The following DPP6 variants were observed in gnomAD, a reference collection of about 807,000 sequenced individuals.
The protein encoded by DPP6 is dipeptidyl peptidase like 6.
DPP6 carries 69 observed loss-of-function variants against 122.6 expected under a neutral mutation model. The observed-to-expected ratio is 0.56, with a 90% CI of 0.46 to 0.69. The LOEUF (loss-of-function observed/expected upper bound fraction) is 0.69, where lower values mean the gene tolerates loss of function less well. Among genes scored for constraint, DPP6 ranks in the 30% least tolerant of loss-of-function variants. The pLI is 0.00. For missense variants in DPP6, 928 were observed against 1,116.9 expected (o/e 0.83, Z 2.41); for synonymous variants, 418 against 433.1 (o/e 0.97, Z 0.43).
intron 7 of DPP6, among the ~76,000 whole-genome samples, chr7:154,687,262 A>G (rs71534158): frequency 0.045 from 6,891 of 152,180 alleles, 214 homozygotes; most frequent in African/African-American, 0.084. Flanking sequence ...AGTCTTTTTC[A>G]GTTTTCTGTC....
At chr7:154,355,577 T>C (rs1176791618) in intron 1 of DPP6, among the ~76,000 whole-genome samples, 1 of 152,236 alleles carries the variant, frequency 6.6e-6, no homozygotes, top group African/African-American at 2.4e-5. Context: ...CATTTATTTG[T>C]ATATGAATAT....
At chr7:154,711,500 A>G (rs1402195486) in intron 7 of DPP6, among the ~76,000 whole-genome samples, 1 of 152,256 alleles carries the variant, frequency 6.6e-6, no homozygotes, top group Non-Finnish European at 1.5e-5. Context: ...AATTTGACAA[A>G]GTGAAAAATG....
chr7:154,627,558 A>T (rs1026871619), intron 5 of DPP6, among the ~76,000 whole-genome samples: 1 of 152,174 alleles, frequency 6.6e-6, no homozygotes, highest in Non-Finnish European at 1.5e-5. Flanking sequence ...TATAAAATAT[A>T]TTGGCAAGGA....
chr7:154,384,913 T>G (rs1586123700), intron 1 of DPP6, among the ~76,000 whole-genome samples: 1 of 152,218 alleles, frequency 6.6e-6, no homozygotes, highest in East Asian at 1.9e-4. Context: ...AAGGAAATTG[T>G]CTATACTATA....
chr7:154,764,342 C>A (rs1411973486), intron 8 of DPP6, among the ~76,000 whole-genome samples: 2 of 151,372 alleles, frequency 1.3e-5, no homozygotes, highest in Non-Finnish European at 2.9e-5. Flanking sequence ...CTGTAACCTG[C>A]GTGGCCAATG....
At chr7:154,314,266 A>G (rs1343140372) in intron 1 of DPP6, among the ~76,000 whole-genome samples, 1 of 152,184 alleles carries the variant, frequency 6.6e-6, no homozygotes, top group Non-Finnish European at 1.5e-5. Context: ...GCTGTAAAAA[A>G]CAAAATATAG....
chr7:153,987,421 G>A (rs1200333041), intron 1 of DPP6, among the ~76,000 whole-genome samples: 4 of 152,200 alleles, frequency 2.6e-5, no homozygotes, highest in African/African-American at 7.2e-5. Context: ...GTTGTAGAAC[G>A]AAACTTCTCT....
At chr7:154,321,847 C>A (rs1807993665) in intron 1 of DPP6, among the ~76,000 whole-genome samples, 1 of 151,378 alleles carries the variant, frequency 6.6e-6, no homozygotes, top group African/African-American at 2.4e-5. Context: ...AGCTTCTCTT[C>A]CCTGCAGGTA....
intron 1 of DPP6, among the ~76,000 whole-genome samples, chr7:154,236,840 T>C (rs868760302): frequency 8.5e-5 from 13 of 152,150 alleles, no homozygotes; most frequent in Admixed American, 2.0e-4. Flanking sequence ...GGCAGAGAAA[T>C]TGGAAAGACC....
At chr7:154,557,720 A>C (rs1830145541) in intron 4 of DPP6, among the ~76,000 whole-genome samples, 1 of 152,106 alleles carries the variant, frequency 6.6e-6, no homozygotes, top group African/African-American at 2.4e-5. Flanking sequence ...AAAGAAAAAC[A>C]AATGAATGAA....
chr7:154,643,467 C>CTTT (rs61520162), intron 6 of DPP6, among the ~76,000 whole-genome samples: 3,785 of 117,430 alleles, frequency 0.032, 202 homozygotes, highest in African/African-American at 0.11. Flanking sequence ...TGAGTAATTT[C>CTTT]TTTTTTTTTT....
intron 1 of DPP6, among the ~76,000 whole-genome samples, chr7:153,978,578 T>C (rs1029756702): frequency 2.0e-5 from 3 of 152,202 alleles, no homozygotes; most frequent in African/African-American, 7.2e-5. Context: ...TTGTCAATTT[T>C]GGCTTTTGTT....
Position 154,887,701 on chromosome 7 carries a change from G to A in DPP6, c.2271G>A (p.Leu757=). The A allele has an allele frequency of 1.9e-6, 3 of 1,613,894 alleles. No individual in the cohort carries two copies. The highest frequency in any genetic ancestry group is 2.5e-6 in the Non-Finnish European group (3 of 1,179,802). The change falls in exon 23 of 26, where the codon TTG becomes TTA. Residue 757 remains leucine, a synonymous_variant. Transcript: ENST00000377770. ...LYASAFSERY[L]GLHGLDNRAY... ...CCTCTGCGTTTTCCGAGAGGTACTT[G>A]GGCCTCCATGGACTTGACAACAGAG...
At chr7:154,060,251 G>T (rs575570307) in intron 1 of DPP6, among the ~76,000 whole-genome samples, 1 of 140,398 alleles carries the variant, frequency 7.1e-6, no homozygotes, top group East Asian at 2.1e-4. Flanking sequence ...ATCGCTGGGG[G>T]CGGAGGCACC....
At chr7:154,334,550 A>G (rs1386220728) in intron 1 of DPP6, among the ~76,000 whole-genome samples, 1 of 152,216 alleles carries the variant, frequency 6.6e-6, no homozygotes, top group Non-Finnish European at 1.5e-5. Flanking sequence ...TTGCTGCTCA[A>G]TAAACCCTGG....
At chr7:154,167,020 G>A (rs1203884804) in intron 1 of DPP6, among the ~76,000 whole-genome samples, 2 of 149,672 alleles carry the variant, frequency 1.3e-5, no homozygotes, top group Non-Finnish European at 2.9e-5. Context: ...TTGTAAGTAT[G>A]TGTGGGGCTC....
At chr7:154,275,163 G>T (rs1804047410) in intron 1 of DPP6, among the ~76,000 whole-genome samples, 1 of 152,242 alleles carries the variant, frequency 6.6e-6, no homozygotes. Flanking sequence ...CCTTTGGGCA[G>T]CCTCAGCCAA....
At chr7:154,324,990 G>T (rs1808318852) in intron 1 of DPP6, among the ~76,000 whole-genome samples, 1 of 149,200 alleles carries the variant, frequency 6.7e-6, no homozygotes, top group Non-Finnish European at 1.5e-5. Flanking sequence ...TCAGCCTCCC[G>T]AGTAGCTGGG....
chr7:153,946,592 C>T (rs1801957046), intron 1 of DPP6, among the ~76,000 whole-genome samples: 1 of 152,088 alleles, frequency 6.6e-6, no homozygotes, highest in African/African-American at 2.4e-5. Context: ...CCTATCTCAT[C>T]CTGTGACTAA....
Sources: gnomAD v4.1 joint callset for allele counts (sites outside exome capture counted in the v4.1 genomes callset) on GRCh38, gnomAD v4.1.1 for gene constraint, MANE v1.5 for transcripts, NCBI Gene and HGNC (gene_info 2026-07-23, HGNC 2026-07-21) for gene names.